The following SOBP variants were observed in gnomAD, a reference collection of about 807,000 sequenced individuals.
SOBP encodes sine oculis-binding protein homolog.
SOBP carries 4 observed loss-of-function variants against 53.6 expected under a neutral mutation model. The ratio of observed to expected loss-of-function variants is 0.07; its 90% CI spans 0.04 to 0.17. SOBP has a LOEUF of 0.17. Ranked by LOEUF, SOBP falls within the 10% of genes least tolerant of loss-of-function variation. SOBP has a pLI of 1.00. For missense variants in SOBP, 1,088 were observed against 1,204.7 expected, an observed-to-expected ratio of 0.90 and a Z score of 1.43; for synonymous variants, 584 against 522.6, an observed-to-expected ratio of 1.12 and a Z score of -1.60.
intron 5 of SOBP, among the ~76,000 whole-genome samples, chr6:107,612,861 T>C (rs540349122): frequency 1.3e-5 from 2 of 152,364 alleles, no homozygotes; most frequent in Non-Finnish European, 2.9e-5. Context: ...TTTAGTCTGG[T>C]TTATTTTGCC....
intron 1 of SOBP, among the ~76,000 whole-genome samples, chr6:107,492,527 T>C (rs1321514968): frequency 6.6e-6 from 1 of 152,226 alleles, no homozygotes. Flanking sequence ...GGGCTCGCGT[T>C]GTTGATTTTG....
Position 107,506,419 on chromosome 6 carries a change from C to T in SOBP, c.413C>T (p.Pro138Leu), listed in dbSNP as rs1554288908. The T allele has an allele frequency of 3.1e-6, 5 of 1,614,054 alleles. No homozygotes were observed. The highest frequency in any genetic ancestry group is 4.2e-6 in the Non-Finnish European group (5 of 1,179,960). Residue 138 changes from proline (P) to leucine (L), a missense_variant, in exon 3 of 7, where the codon CCA becomes CTA. By Grantham distance (98) the Pro-to-Leu change is moderately conservative. Coordinates refer to ENST00000317357, the MANE Select transcript of SOBP (RefSeq NM_018013.4). ...VPLIPPPFIK[P>L]PAEDDVSNVQ... ...TTAATTCCACCACCTTTCATAAAGC[C>T]ACCAGCAGGTAAGTCACTACTGGTG...
intron 4 of SOBP, among the ~76,000 whole-genome samples, chr6:107,573,163 G>A (rs916693955): frequency 6.6e-6 from 1 of 152,220 alleles, no homozygotes; most frequent in African/African-American, 2.4e-5. Context: ...AGATTGTGTA[G>A]AGGGTTAGGA....
chr6:107,628,083 A>G (rs1256094580), intron 5 of SOBP, among the ~76,000 whole-genome samples: 1 of 152,244 alleles, frequency 6.6e-6, no homozygotes, highest in East Asian at 1.9e-4. Flanking sequence ...GTTTTTTAAT[A>G]CAATATGCAT....
At chr6:107,520,753 G>T (rs1352919539) in intron 3 of SOBP, among the ~76,000 whole-genome samples, 1 of 152,146 alleles carries the variant, frequency 6.6e-6, no homozygotes, top group Non-Finnish European at 1.5e-5. Context: ...CTGTTAAATG[G>T]AGAAGACTTA....
chr6:107,601,390 A>G (rs528307936), intron 5 of SOBP, among the ~76,000 whole-genome samples: 7 of 152,348 alleles, frequency 4.6e-5, no homozygotes, highest in Non-Finnish European at 2.9e-5. Context: ...TCAACTCCGC[A>G]TATTCATGTG....
intron 4 of SOBP, among the ~76,000 whole-genome samples, chr6:107,552,012 C>T (rs1366632022): frequency 3.3e-5 from 5 of 152,154 alleles, no homozygotes; most frequent in African/African-American, 7.2e-5. Flanking sequence ...CAGAGCAAGA[C>T]TCCATCTCAA....
chr6:107,529,631 T>G (rs1783763012), intron 3 of SOBP: 18 of 985,142 alleles, frequency 1.8e-5, no homozygotes, highest in Non-Finnish European at 1.8e-5. Flanking sequence ...TATACATGTT[T>G]ATAGCCAATT....
chr6:107,507,713 G>T (rs896239918), intron 3 of SOBP, among the ~76,000 whole-genome samples: 1 of 152,132 alleles, frequency 6.6e-6, no homozygotes, highest in Non-Finnish European at 1.5e-5. Context: ...AAGCCCAAAG[G>T]TTGGACACCC....
chr6:107,599,060 C>G (rs1040873295), intron 5 of SOBP, among the ~76,000 whole-genome samples: 8 of 151,932 alleles, frequency 5.3e-5, no homozygotes, highest in Non-Finnish European at 1.2e-4. Flanking sequence ...GATAGAGTCT[C>G]CAGTACAAGG....
chr6:107,553,297 A>ATTTTTTTT (rs762333824), intron 4 of SOBP, among the ~76,000 whole-genome samples: 7 of 115,892 alleles, frequency 6.0e-5, no homozygotes, highest in Non-Finnish European at 9.0e-5. Flanking sequence ...GCTTATTATT[A>ATTTTTTTT]TTTTATTTAT....
intron 3 of SOBP, chr6:107,529,485 A>G (rs897674443): frequency 5.1e-6 from 5 of 985,328 alleles, no homozygotes; most frequent in African/African-American, 1.7e-5. Flanking sequence ...TAGATGTCCC[A>G]GCAAATACTT....
At chr6:107,610,831 C>T (rs1288777564) in intron 5 of SOBP, among the ~76,000 whole-genome samples, 1 of 152,020 alleles carries the variant, frequency 6.6e-6, no homozygotes, top group Non-Finnish European at 1.5e-5. Context: ...CACATACACA[C>T]ACCATGGACT....
intron 5 of SOBP, among the ~76,000 whole-genome samples, chr6:107,602,047 G>A (rs1786197510): frequency 6.6e-6 from 1 of 152,214 alleles, no homozygotes; most frequent in Non-Finnish European, 1.5e-5. Context: ...TAACACACCT[G>A]TAATGACCTG....
chr6:107,578,383 C>T (rs1309469689), intron 4 of SOBP, among the ~76,000 whole-genome samples: 1 of 151,968 alleles, frequency 6.6e-6, no homozygotes, highest in Non-Finnish European at 1.5e-5. Flanking sequence ...GTAATGACAC[C>T]AGTATTTTCA....
chr6:107,635,376 C>T lies in SOBP; in HGVS notation c.2532C>T (p.Ile844=), dbSNP rs1762209058. 6.2e-7 allele frequency: 1 copy of T among 1,613,422 alleles called. No individual in the cohort carries two copies. The highest frequency in any genetic ancestry group is 1.1e-5 in the South Asian group (1 of 91,090). Residue 844 remains isoleucine, a synonymous_variant, in exon 6 of 7, where the codon ATC becomes ATT. Coordinates refer to ENST00000317357, the MANE Select transcript of SOBP (RefSeq NM_018013.4). This position sits in a 1 kb window ranked among gnomAD's most constrained non-coding sequence, Gnocchi z 4.5. ...AGAAGGCTGCCATGGCACCGTGCAT[C>T]ATCTCCTCGCCCATGCTCAGCGCCG... ...PAEKAAMAPC[I]ISSPMLSAGP...
At chr6:107,538,509 C>G (rs896957441) in intron 4 of SOBP, among the ~76,000 whole-genome samples, 3 of 152,108 alleles carry the variant, frequency 2.0e-5, no homozygotes, top group African/African-American at 7.2e-5. Flanking sequence ...CCTGGGGAGC[C>G]CCAGGGTTCT....
At chr6:107,649,193 A>G (rs938160612) in intron 6 of SOBP, among the ~76,000 whole-genome samples, 10 of 132,714 alleles carry the variant, frequency 7.5e-5, no homozygotes, top group African/African-American at 2.6e-4. Flanking sequence ...AAAAAAAACC[A>G]TCAGGAGCCA....
intron 5 of SOBP, among the ~76,000 whole-genome samples, chr6:107,630,741 ACACACT>A (rs1770671492): frequency 2.7e-5 from 3 of 112,584 alleles, no homozygotes; most frequent in Non-Finnish European, 5.7e-5. Flanking sequence ...ACACACACAC[ACACACT>A]CTGTCTCTCT....
Sources: gnomAD v4.1 joint callset for allele counts (sites outside exome capture counted in the v4.1 genomes callset) on GRCh38, gnomAD v4.1.1 for gene constraint, Gnocchi (gnomAD v3.1) non-coding constraint, MANE v1.5 for transcripts, NCBI Gene and HGNC (gene_info 2026-07-23, HGNC 2026-07-21) for gene names.